ANKRD55: variants seen among roughly 807,000 people sequenced by gnomAD.
ANKRD55 encodes ankyrin repeat domain 55.
Under a neutral mutation model 60.6 loss-of-function variants are expected in ANKRD55, and 41 were observed. The observed-to-expected ratio is 0.68, with a 90% CI of 0.53 to 0.88. The LOEUF is 0.88. Ranked by LOEUF, ANKRD55 falls within the 40% of genes least tolerant of loss-of-function variation. The probability of loss-of-function intolerance (pLI) is 0.00; values close to 1 mark genes in which losing one functional copy is unlikely to be tolerated. For synonymous variants in ANKRD55, 264 were observed against 290.3 expected (o/e 0.91, Z 0.92); for missense variants, 732 against 767.6 (o/e 0.95, Z 0.55).
In ANKRD55 at chr5:56,111,244, A is replaced by G. The variant is rs1756685451; in HGVS notation, c.1504T>C (p.Phe502Leu). ...NPWKSDSNQV[F>L]SYKVWTVSSS... The stretch of plus-strand genomic sequence containing the variant: ...GACACAGTCCAAACTTTGTAGGAAA[A>G]TACCTGATTAGAATCACTCTTCCAG... The change falls in exon 10 of 12, where the codon TTT becomes CTT. Residue 502 changes from phenylalanine to leucine, a missense_variant. Transcript: ENST00000341048. The G allele has an allele frequency of 6.2e-7, 1 of 1,614,078 alleles. No individual in the cohort carries two copies. Among genetic ancestry groups the G allele is most frequent in the African/African-American group, 1.3e-5 (1 of 74,916 alleles).
At chr5:56,181,529 G>A (rs765365404) in intron 3 of ANKRD55, among the ~76,000 whole-genome samples, 21 of 152,000 alleles carry the variant, frequency 1.4e-4, no homozygotes, top group Non-Finnish European at 2.9e-4. Flanking sequence ...TTCAAATATT[G>A]AACCAGTCTT....
chr5:56,227,481 G>GTTT (rs1310285073), intron 2 of ANKRD55, among the ~76,000 whole-genome samples: 1 of 151,948 alleles, frequency 6.6e-6, no homozygotes, highest in Non-Finnish European at 1.5e-5. Context: ...AGAACTTAAA[G>GTTT]TATAAAAGAA....
chr5:56,230,791 C>A (rs1451332339), intron 2 of ANKRD55, among the ~76,000 whole-genome samples: 1 of 152,134 alleles, frequency 6.6e-6, no homozygotes, highest in Non-Finnish European at 1.5e-5. Context: ...AGTCATCCAG[C>A]ACTAAGCCCT....
chr5:56,171,376 C>T (rs1365316694), intron 4 of ANKRD55, among the ~76,000 whole-genome samples: 2 of 152,186 alleles, frequency 1.3e-5, no homozygotes, highest in East Asian at 1.9e-4. Flanking sequence ...AGAAACTTTA[C>T]GTGAACTGCT....
At chr5:56,152,544 G>C (rs1758080465) in intron 6 of ANKRD55, among the ~76,000 whole-genome samples, 1 of 152,162 alleles carries the variant, frequency 6.6e-6, no homozygotes, top group Non-Finnish European at 1.5e-5. Flanking sequence ...TTCCTGTCAA[G>C]GCTAAAATGA....
At chr5:56,219,417 T>A (rs1214251429) in intron 2 of ANKRD55, among the ~76,000 whole-genome samples, 2 of 152,144 alleles carry the variant, frequency 1.3e-5, no homozygotes, top group East Asian at 3.9e-4. Flanking sequence ...TCTTCCTCCC[T>A]CAATATACCT....
At chr5:56,174,311 C>T (rs7706529) in intron 4 of ANKRD55, among the ~76,000 whole-genome samples, 30 of 152,314 alleles carry the variant, frequency 2.0e-4, no homozygotes, top group African/African-American at 6.7e-4. Flanking sequence ...AATTTTTGAA[C>T]TTTGAAAGGG....
chr5:56,207,050 A>C (rs778768294), intron 2 of ANKRD55, among the ~76,000 whole-genome samples: 17 of 152,176 alleles, frequency 1.1e-4, no homozygotes, highest in Non-Finnish European at 2.4e-4. Flanking sequence ...TTTGGCTAAC[A>C]CTAAGGCCAT....
Position 56,111,266 on chromosome 5 carries a change from CCAGGGGTT to C in ANKRD55, c.1474_1481del (p.Asn492GlufsTer3). 1.2e-6 allele frequency: 2 copies of C among 1,614,170 alleles called. No individual in the cohort carries two copies. The highest frequency in any genetic ancestry group is 1.7e-6 in the Non-Finnish European group (2 of 1,180,030). On this transcript the variant is annotated frameshift_variant, in exon 10 of 12. Transcript: ENST00000341048. LOFTEE classifies it high-confidence loss of function. ...AAAATACCTGATTAGAATCACTCTT[CCAGGGGTT>C]ATCTAGTAACATCTGGCAGCCAGTT...
Position 56,170,681 on chromosome 5 carries a change from C to T in ANKRD55, c.422+13G>A. On this transcript the variant is annotated intron_variant, in intron 5 of 11. Transcript: ENST00000341048. ...ACTCCCAACTTGAGCATCATGTAAACCTGGCCACTTACCTCATATCGGGCT... is the reference window on the plus strand; with the variant it reads ...ACTCCCAACTTGAGCATCATGTAAATCTGGCCACTTACCTCATATCGGGCT... 1.2e-6 allele frequency: 2 copies of T among 1,611,250 alleles called. No homozygotes were observed. The highest frequency in any genetic ancestry group is 1.7e-6 in the Non-Finnish European group (2 of 1,177,530).
chr5:56,193,512 C>T (rs1385486373), intron 2 of ANKRD55: 1 of 436,274 alleles, frequency 2.3e-6, no homozygotes, highest in Non-Finnish European at 4.3e-6. Flanking sequence ...TAGAATACCT[C>T]GTTTATCATC....
At chr5:56,228,160 C>T (rs750746866) in intron 2 of ANKRD55, among the ~76,000 whole-genome samples, 3 of 152,008 alleles carry the variant, frequency 2.0e-5, no homozygotes, top group Non-Finnish European at 2.9e-5. Flanking sequence ...TGACTATGAC[C>T]TTATATCTGA....
At chr5:56,182,814 C>T (rs6885941) in intron 3 of ANKRD55, among the ~76,000 whole-genome samples, 4,841 of 152,302 alleles carry the variant, frequency 0.032, 269 homozygotes, top group African/African-American at 0.11. Flanking sequence ...TTTGCTGGAA[C>T]GAGTGGGGCT....
chr5:56,127,211 GA>G, intron 7 of ANKRD55, 105 bp from the exon 8 acceptor site: 1 of 1,306,242 alleles, frequency 7.7e-7, no homozygotes, highest in Non-Finnish European at 9.8e-7. Flanking sequence ...AAGAAAGAAA[GA>G]AAGAAAAAAG....
intron 2 of ANKRD55, among the ~76,000 whole-genome samples, chr5:56,220,652 A>G (rs887960325): frequency 6.6e-6 from 1 of 152,174 alleles, no homozygotes; most frequent in Non-Finnish European, 1.5e-5. Flanking sequence ...TGTCTCTACA[A>G]AAATACGAAA....
chr5:56,214,273 G>A (rs1759749935), intron 2 of ANKRD55, among the ~76,000 whole-genome samples: 1 of 152,228 alleles, frequency 6.6e-6, no homozygotes, highest in Non-Finnish European at 1.5e-5. Flanking sequence ...AGGAAGTGAA[G>A]GCTTGGAGTG....
rs1756221929 is a variant in ANKRD55, at chr5:56,100,041, A to G, written c.*142T>C. 9.1e-7 allele frequency: 1 copy of G among 1,104,368 alleles called. No homozygotes were observed. 68.4% of individuals were successfully genotyped at this position (1,104,368 alleles called of 1,614,324 possible). A position where few individuals can be genotyped will look rare whatever the true frequency, so the allele number is the denominator to read the frequency against. ...TTTAGGGAGTATCTTTATTTGGAAT[A>G]AAGAATTTCGAGTTATAAAACTGAT... is the stretch of plus-strand genomic sequence containing the variant. On this transcript the variant is annotated 3_prime_UTR_variant, in exon 12 of 12. Transcript: ENST00000341048.
At chr5:56,129,178 C>T (rs1187433378) in intron 7 of ANKRD55, among the ~76,000 whole-genome samples, 1 of 152,064 alleles carries the variant, frequency 6.6e-6, no homozygotes, top group Non-Finnish European at 1.5e-5. Context: ...ATGCTTAGGC[C>T]TGGGAGGTAG....
chr5:56,189,520 C>T (rs547345574), intron 2 of ANKRD55, among the ~76,000 whole-genome samples: 25 of 152,254 alleles, frequency 1.6e-4, no homozygotes, highest in African/African-American at 5.1e-4. Context: ...CACCATTCTG[C>T]TTTCTGTCTA....
Sources: gnomAD v4.1 joint callset for allele counts (sites outside exome capture counted in the v4.1 genomes callset) on GRCh38, gnomAD v4.1.1 for gene constraint, MANE v1.5 for transcripts, NCBI Gene and HGNC (gene_info 2026-07-23, HGNC 2026-07-21) for gene names.